MYO1A: variants seen among roughly 807,000 people sequenced by gnomAD.
MYO1A encodes the protein myosin IA, also known as unconventional myosin-Ia.
MYO1A carries 127 observed loss-of-function variants against 138.5 expected under a neutral mutation model. The ratio of observed to expected loss-of-function variants is 0.92; its 90% CI spans 0.79 to 1.06. MYO1A has a LOEUF of 1.06. Among genes scored for constraint, MYO1A ranks in the 50% least tolerant of loss-of-function variants. The probability of loss-of-function intolerance (pLI) is 0.00; values close to 1 mark genes in which losing one functional copy is unlikely to be tolerated. For missense variants in MYO1A, 1,211 were observed against 1,288.8 expected (o/e 0.94, Z 0.92); for synonymous variants, 477 against 497.5 (o/e 0.96, Z 0.55).
At chr12:57,030,562 C>T (rs2030229835) in intron 23 of MYO1A, among the ~76,000 whole-genome samples, 1 of 152,048 alleles carries the variant, frequency 6.6e-6, no homozygotes, top group Non-Finnish European at 1.5e-5. Context: ...CTATGCTCAG[C>T]TCTCAGGGCA....
intron 22 of MYO1A, among the ~76,000 whole-genome samples, chr12:57,032,748 C>T (rs1393335079): frequency 3.3e-5 from 5 of 151,962 alleles, no homozygotes; most frequent in Non-Finnish European, 7.4e-5. Flanking sequence ...GAGAGTAGGT[C>T]GGGGCAGATC....
At chr12:57,039,484 T>C in intron 14 of MYO1A, 1 of 590,962 alleles carries the variant, frequency 1.7e-6, no homozygotes. Flanking sequence ...CGGAAGGAAT[T>C]GGAGCAGCTG....
At chr12:57,029,040 C>A (rs1565638823) in intron 27 of MYO1A, 92 bp downstream of exon 27, 1 of 1,610,872 alleles carries the variant, frequency 6.2e-7, no homozygotes, top group Non-Finnish European at 8.5e-7. Flanking sequence ...CCTGCACTGC[C>A]CTACATGCTT....
At position 57,043,374 on chromosome 12, in the gene MYO1A, A is replaced by G. The variant is rs780597290; in HGVS notation, c.893-16T>C. 11 of 1,610,168 alleles carry G rather than the reference A, an allele frequency of 6.8e-6. No individual in the cohort carries two copies. The Admixed American group carries it at 1.8e-4, about 27-fold the overall frequency. ...TCCCGAACACCTGGGATAATGAGAA[A>G]GTACAGCATGTCCTTAGAGGCAGCT... is the stretch of plus-strand genomic sequence containing the variant. On this transcript the variant is annotated splice_polypyrimidine_tract_variant and intron_variant, in intron 10 of 27. Transcript: ENST00000300119.
At chr12:57,042,115 C>T (rs1336664210) in intron 12 of MYO1A, among the ~76,000 whole-genome samples, 1 of 152,184 alleles carries the variant, frequency 6.6e-6, no homozygotes, top group Non-Finnish European at 1.5e-5. Context: ...AAAAGAAATC[C>T]TATACCCATT....
At chr12:57,041,135 T>C in intron 14 of MYO1A, 49 bp downstream of exon 14, 2 of 1,392,716 alleles carry the variant, frequency 1.4e-6, no homozygotes, top group Non-Finnish European at 2.0e-6. Context: ...AGCTCTGGCA[T>C]ATGCCTAGAA....
chr12:57,032,892 A>T (rs2030355304), intron 22 of MYO1A, among the ~76,000 whole-genome samples: 1 of 152,208 alleles, frequency 6.6e-6, no homozygotes, highest in Non-Finnish European at 1.5e-5. Flanking sequence ...TAACTTACAG[A>T]AAAGTTGAAA....
chr12:57,048,112 C>A lies in MYO1A; in HGVS notation c.115-8G>T. The A allele has an allele frequency of 6.2e-7, 1 of 1,612,686 alleles. No homozygotes were observed. Among genetic ancestry groups the A allele is most frequent in the Non-Finnish European group, 8.5e-7 (1 of 1,178,690 alleles). ...CACATTCCCAATGTAGGTCTGGAGC[C>A]AGGAAGAAGGTGAAGGGAATGAGCT... On this transcript the variant is annotated splice_polypyrimidine_tract_variant and splice_region_variant and intron_variant, in intron 2 of 27. Coordinates refer to ENST00000300119, the MANE Select transcript of MYO1A (RefSeq NM_005379.4).
rs769679969 is a variant in MYO1A, at chr12:57,048,291, C to T, written c.33G>A (p.Glu11=). Residue 11 remains glutamate (E), a synonymous_variant, in exon 2 of 28, where the codon GAG becomes GAA. Transcript: ENST00000300119. The part of the protein sequence containing the change: MPLLEGSVGV[E]DLVLLEPLVE... ...CCAAGGGTTCCAGGAGGACAAGATCCTCCACCCCCACAGAACCTTCCAGGA... is the reference window on the plus strand; with the variant it reads ...CCAAGGGTTCCAGGAGGACAAGATCTTCCACCCCCACAGAACCTTCCAGGA... 60 of 1,614,054 alleles carry T rather than the reference C, an allele frequency of 3.7e-5. No homozygotes were observed. Among genetic ancestry groups the T allele is most frequent in the Non-Finnish European group, 4.8e-5 (57 of 1,180,022 alleles).
intron 15 of MYO1A, 67 bp downstream of exon 15, chr12:57,039,145 A>G: frequency 1.3e-6 from 2 of 1,572,786 alleles, no homozygotes; most frequent in Non-Finnish European, 1.8e-6. Flanking sequence ...TCAGGGAGAG[A>G]GACAGGGGAA....
chr12:57,046,429 TG>T, intron 8 of MYO1A, 122 bp downstream of exon 8: 1 of 773,980 alleles, frequency 1.3e-6, no homozygotes, highest in Non-Finnish European at 2.3e-6. Context: ...AAGGAAAATC[TG>T]GGAGGCTCAA....
rs1055383303 is a variant in MYO1A at position 57,043,917 on chromosome 12, C to T, written c.831G>A (p.Val277=). 6.2e-7 allele frequency: 1 copy of T among 1,614,098 alleles called. No homozygotes were observed. Among genetic ancestry groups the T allele is most frequent in the African/African-American group, 1.3e-5 (1 of 74,940 alleles). ...TGGCCTGGAACTCATCAGCCACCAA[C>T]ACGTTCCCCAGCTTTAGCACCATGG... ...VTSMVLKLGN[V]LVADEFQASG... The change falls in exon 10 of 28, where the codon GTG becomes GTA. Residue 277 remains valine, a synonymous_variant. Transcript: ENST00000300119.
intron 12 of MYO1A, among the ~76,000 whole-genome samples, chr12:57,042,364 C>T (rs1409574369): frequency 1.3e-5 from 2 of 152,184 alleles, no homozygotes; most frequent in African/African-American, 2.4e-5. Context: ...AGATATACCA[C>T]ATTTTGTTTA....
rs1239020072 is a variant in MYO1A, at chr12:57,028,777, C to A, written c.3110G>T (p.Cys1037Phe). 6.2e-7 allele frequency: 1 copy of A among 1,614,140 alleles called. No individual in the cohort carries two copies. The highest frequency in any genetic ancestry group is 8.5e-7 in the Non-Finnish European group (1 of 1,180,012). ...KLRYKKKGSH[C>F]LEVTVQ ...TCCTCACTGCACAGTCACCTCCAAG[C>A]AATGACTCCCCTTTTTTTTGTAGCG... is the stretch of plus-strand genomic sequence containing the variant. Residue 1037 changes from cysteine to phenylalanine, a missense_variant, in exon 28 of 28, where the codon TGC becomes TTC. By Grantham distance (205) the Cys-to-Phe change is radical. Transcript: ENST00000300119.
At position 57,031,026 on chromosome 12, in the gene MYO1A, T is replaced by C; in HGVS notation, c.2484+14A>G. The C allele has an allele frequency of 4.3e-6, 7 of 1,613,118 alleles. No individual in the cohort carries two copies. Among genetic ancestry groups the C allele is most frequent in the Non-Finnish European group, 5.9e-6 (7 of 1,179,628 alleles). On this transcript the variant is annotated intron_variant, in intron 23 of 27. Coordinates refer to ENST00000300119, the MANE Select transcript of MYO1A (RefSeq NM_005379.4). ...AAGACGAAATGAGAGGAGGGGTGCCTGGGCTCCACTTGCCTTCCACTGGTA... is the reference window on the plus strand; with the variant it reads ...AAGACGAAATGAGAGGAGGGGTGCCCGGGCTCCACTTGCCTTCCACTGGTA...
intron 22 of MYO1A, among the ~76,000 whole-genome samples, chr12:57,033,819 G>C (rs931559567): frequency 1.4e-4 from 21 of 152,296 alleles, no homozygotes; most frequent in African/African-American, 4.8e-4. Context: ...AATAGAAAGA[G>C]GCAGAATACA....
At chr12:57,034,953 T>C (rs1378921260) in intron 22 of MYO1A, among the ~76,000 whole-genome samples, 1 of 151,572 alleles carries the variant, frequency 6.6e-6, no homozygotes, top group Non-Finnish European at 1.5e-5. Flanking sequence ...GTGACAAGAG[T>C]GAAACTCTGT....
At position 57,046,650 on chromosome 12, in the gene MYO1A, T is replaced by C. The variant is rs747273922; in HGVS notation, c.542A>G (p.Tyr181Cys). The change falls in exon 8 of 28, where the codon TAT becomes TGT. Residue 181 changes from tyrosine to cysteine, a missense_variant and splice_region_variant. Transcript: ENST00000300119. The stretch of plus-strand genomic sequence containing the variant: ...CACTAATCGGGATTTCTCAAGCAGA[T>C]CTGGCAGAGAATTAGAAAAATAATA... ...GSPLGGVITN[Y>C]LLEKSRLVKQ... 2 of 1,613,496 alleles carry C rather than the reference T, an allele frequency of 1.2e-6. No homozygotes were observed. The highest frequency in any genetic ancestry group is 8.5e-7 in the Non-Finnish European group (1 of 1,179,456).
intron 17 of MYO1A, 152 bp from the exon 18 acceptor site, chr12:57,038,221 T>C (rs533236984): frequency 3.6e-6 from 4 of 1,111,314 alleles, no homozygotes; most frequent in African/African-American, 3.1e-5. Context: ...CTCACTTCTA[T>C]GTATTCCCTA....
Sources: gnomAD v4.1 joint callset for allele counts (sites outside exome capture counted in the v4.1 genomes callset) on GRCh38, gnomAD v4.1.1 for gene constraint, MANE v1.5 for transcripts, NCBI Gene and HGNC (gene_info 2026-07-23, HGNC 2026-07-21) for gene names.